The following STUM variants were observed in gnomAD, a reference collection of about 807,000 sequenced individuals.
STUM encodes the protein protein stum homolog.
In STUM, 8 loss-of-function variants were observed where a neutral mutation model predicts 15.3. The observed-to-expected ratio is 0.52, with a 90% CI of 0.31 to 0.94. The LOEUF is 0.94. STUM is among the 40% of genes least tolerant of loss of function. The pLI, the probability that STUM is intolerant of heterozygous loss-of-function variation, is 0.05. For missense variants in STUM, 142 were observed against 204.9 expected, an observed-to-expected ratio of 0.69 and a Z score of 1.87; for synonymous variants, 78 against 88.7, an observed-to-expected ratio of 0.88 and a Z score of 0.68.
At chr1:226,596,124 G>A (rs974564813) in intron 1 of STUM, among the ~76,000 whole-genome samples, 2 of 152,162 alleles carry the variant, frequency 1.3e-5, no homozygotes, top group Admixed American at 6.5e-5. Context: ...CACCCACCAC[G>A]TTGCTTGGCA....
chr1:226,570,281 G>T (rs974289731), intron 1 of STUM, among the ~76,000 whole-genome samples: 1 of 152,188 alleles, frequency 6.6e-6, no homozygotes, highest in African/African-American at 2.4e-5. Flanking sequence ...ACATAATGGA[G>T]TTGAGTCAGG....
intron 2 of STUM, chr1:226,597,335 T>A (rs1241904712): frequency 1.6e-5 from 8 of 493,292 alleles, no homozygotes; most frequent in African/African-American, 9.8e-5. Context: ...AGCAAAATCT[T>A]AAAACAGACA....
At chr1:226,558,027 G>A (rs1028581262) in intron 1 of STUM, among the ~76,000 whole-genome samples, 2 of 152,298 alleles carry the variant, frequency 1.3e-5, no homozygotes, top group East Asian at 1.9e-4. Flanking sequence ...CACAGCTAAC[G>A]TTATACTCAA....
intron 1 of STUM, among the ~76,000 whole-genome samples, chr1:226,556,511 G>A (rs1380553183): frequency 6.6e-6 from 1 of 152,216 alleles, no homozygotes; most frequent in Non-Finnish European, 1.5e-5. Flanking sequence ...GGGGAGATGA[G>A]CAACAGGCTA....
chr1:226,594,205 T>C (rs767231171), intron 1 of STUM, among the ~76,000 whole-genome samples: 25 of 151,678 alleles, frequency 1.6e-4, no homozygotes, highest in Non-Finnish European at 3.1e-4. Context: ...CTGGAAACTG[T>C]AGGAGCCAGC....
At chr1:226,572,191 CCA>C (rs1667722157) in intron 1 of STUM, among the ~76,000 whole-genome samples, 1 of 152,218 alleles carries the variant, frequency 6.6e-6, no homozygotes, top group South Asian at 2.1e-4. Context: ...TCACCTTCCT[CCA>C]CAGAGGGGCA....
In STUM at chr1:226,555,256, C is replaced by T. The variant is rs545727794; in HGVS notation, c.202+6150C>T. Among the ~76,000 whole-genome samples, 2 of 152,336 alleles carry T rather than the reference C, an allele frequency of 1.3e-5. 1 individual carries two copies. The highest frequency in any genetic ancestry group is 6.8e-3 in the Middle Eastern group (2 of 294). On this transcript the variant is annotated intron_variant, in intron 1 of 3. Coordinates refer to ENST00000366788, the MANE Select transcript of STUM (RefSeq NM_001003665.4). ...CTTGCCCAGCCTCTGGGCTTTCAAT[C>T]GCATTTTTATGATGATGACTCCCCA...
chr1:226,580,958 TA>T (rs1316125193), intron 1 of STUM, among the ~76,000 whole-genome samples: 1 of 152,198 alleles, frequency 6.6e-6, no homozygotes. Flanking sequence ...AGCTCTCTTC[TA>T]CGAGGTCATT....
intron 1 of STUM, among the ~76,000 whole-genome samples, chr1:226,551,462 C>T (rs1289669816): frequency 6.6e-6 from 1 of 152,238 alleles, no homozygotes; most frequent in East Asian, 1.9e-4. Context: ...CAAAGCAGCT[C>T]AGACCAATCT....
At position 226,567,683 on chromosome 1, in the gene STUM, G is replaced by T. The variant is rs1400337087; in HGVS notation, c.202+18577G>T. On this transcript the variant is annotated intron_variant, in intron 1 of 3. Transcript: ENST00000366788. The surrounding 1 kb of genome is among the most constrained non-coding windows in gnomAD (Gnocchi z 4.5). The stretch of plus-strand genomic sequence containing the variant: ...TAATAGCCAAACACACATTGGAGAA[G>T]AAATGACAAATAAAAGCATTTAAAA... Among the ~76,000 whole-genome samples the T allele has an allele frequency of 6.6e-6, 1 of 152,184 alleles. No homozygotes were observed. The highest frequency in any genetic ancestry group is 1.5e-5 in the Non-Finnish European group (1 of 68,032).
intron 1 of STUM, among the ~76,000 whole-genome samples, chr1:226,582,651 A>G (rs902466466): frequency 2.0e-5 from 3 of 151,438 alleles, no homozygotes; most frequent in Non-Finnish European, 4.4e-5. Context: ...CCCAAAGTCA[A>G]TCTCATCTGA....
chr1:226,576,683 T>G (rs1488968518), intron 1 of STUM, among the ~76,000 whole-genome samples: 1 of 152,152 alleles, frequency 6.6e-6, no homozygotes, highest in Non-Finnish European at 1.5e-5. Context: ...TGCAGGACAT[T>G]TTCATCTTCC....
intron 1 of STUM, among the ~76,000 whole-genome samples, chr1:226,568,285 C>T (rs1030772912): frequency 5.3e-5 from 8 of 152,012 alleles, no homozygotes; most frequent in South Asian, 2.1e-4. Flanking sequence ...GGCCTCATTC[C>T]GAGGGTGCTG....
At chr1:226,594,982 T>G (rs1668156250) in intron 1 of STUM, among the ~76,000 whole-genome samples, 1 of 152,108 alleles carries the variant, frequency 6.6e-6, no homozygotes, top group Non-Finnish European at 1.5e-5. Context: ...GAGGGGAAGT[T>G]GGCTCATGTG....
At chr1:226,589,514 C>G (rs1405579878) in intron 1 of STUM, among the ~76,000 whole-genome samples, 1 of 152,184 alleles carries the variant, frequency 6.6e-6, no homozygotes, top group Non-Finnish European at 1.5e-5. Flanking sequence ...GGGCTCAGCT[C>G]TGCTTGTGTT....
chr1:226,556,182 G>A lies in STUM; in HGVS notation c.202+7076G>A, dbSNP rs552049428. ...GCTGCCATGGGAGTGGTCAGTTAAC[G>A]ATGATACAGAGGAAGTTTGTGTCTC... On this transcript the variant is annotated intron_variant, in intron 1 of 3. Transcript: ENST00000366788. Among the ~76,000 whole-genome samples the A allele has an allele frequency of 5.1e-4, 78 of 152,286 alleles. No homozygotes were observed. The Middle Eastern group carries it at 0.01, about 20-fold the overall frequency.
intron 1 of STUM, among the ~76,000 whole-genome samples, chr1:226,585,275 A>G (rs1274809486): frequency 2.6e-5 from 4 of 151,906 alleles, no homozygotes; most frequent in African/African-American, 9.7e-5. Context: ...ATAATTAATA[A>G]CTCCTGTCTG....
chr1:226,557,682 C>A (rs1667469203), intron 1 of STUM, among the ~76,000 whole-genome samples: 1 of 152,100 alleles, frequency 6.6e-6, no homozygotes, highest in South Asian at 2.1e-4. Context: ...TCTGACATGT[C>A]CAAGAAGAGA....
rs1057444738 is a variant in STUM at position 226,552,520 on chromosome 1, T to C, written c.202+3414T>C. On this transcript the variant is annotated intron_variant, in intron 1 of 3. Coordinates refer to ENST00000366788, the MANE Select transcript of STUM (RefSeq NM_001003665.4). The surrounding 1 kb of genome is among the most constrained non-coding windows in gnomAD (Gnocchi z 4.7). ...AGTGGTCAGGGGTATAATTATACTT[T>C]TATATTTAAAAATTATATCTATCTT... Among the ~76,000 whole-genome samples the C allele has an allele frequency of 5.9e-5, 9 of 152,210 alleles. No homozygotes were observed. The highest frequency in any genetic ancestry group is 2.2e-4 in the African/African-American group (9 of 41,452).
Sources: gnomAD v4.1 joint callset for allele counts (sites outside exome capture counted in the v4.1 genomes callset) on GRCh38, gnomAD v4.1.1 for gene constraint, Gnocchi (gnomAD v3.1) non-coding constraint, MANE v1.5 for transcripts, NCBI Gene and HGNC (gene_info 2026-07-23, HGNC 2026-07-21) for gene names.